GBF1: variants seen among roughly 807,000 people sequenced by gnomAD.
The protein encoded by GBF1 is Golgi-specific brefeldin A-resistance guanine nucleotide exchange factor 1.
A neutral mutation model predicts 210.5 loss-of-function variants in GBF1; 114 were observed. The observed-to-expected ratio is 0.54, with a 90% confidence interval of 0.47 to 0.63. The LOEUF is 0.63. GBF1 is among the 30% of genes least tolerant of loss of function. The pLI is 0.00. For missense variants in GBF1, 1,851 were observed against 2,357.7 expected (o/e 0.79, Z 4.45); for synonymous variants, 850 against 889.2 (o/e 0.96, Z 0.78).
chr10:102,309,721 C>T (rs1006412855), intron 3 of GBF1, among the ~76,000 whole-genome samples: 6 of 151,710 alleles, frequency 4.0e-5, no homozygotes, highest in Non-Finnish European at 8.8e-5. Flanking sequence ...TTTTGTGTGT[C>T]CTTGTTTATG....
intron 3 of GBF1, among the ~76,000 whole-genome samples, chr10:102,340,161 G>A (rs2058073258): frequency 6.6e-6 from 1 of 151,270 alleles, no homozygotes; most frequent in South Asian, 2.1e-4. Flanking sequence ...CACCATGTTT[G>A]CCAGGCTGGT....
At chr10:102,343,341 C>G (rs916635867) in intron 3 of GBF1, among the ~76,000 whole-genome samples, 1 of 152,116 alleles carries the variant, frequency 6.6e-6, no homozygotes, top group African/African-American at 2.4e-5. Context: ...ACCTAAGGGT[C>G]GCATTGGCTC....
rs1270090513 is a variant in GBF1, at chr10:102,270,912, G to A, written c.163+10796G>A. ...GTCTCACTGTGTCACTTAGGGTGGA[G>A]TGCAGTGGTACGATCATAGCTCCCA... is the stretch of plus-strand genomic sequence containing the variant. On this transcript the variant is annotated intron_variant, in intron 3 of 39. Transcript: ENST00000369983. 3.9e-5 allele frequency among the ~76,000 whole-genome samples: 6 copies of A among 152,218 alleles called. No homozygotes were observed. In the East Asian group the frequency reaches 5.8e-4, roughly 15 times the overall value.
chr10:102,381,823 GAAAAAA>G (rs386372282), intron 39 of GBF1, among the ~76,000 whole-genome samples: 27 of 19,112 alleles, frequency 1.4e-3, no homozygotes, highest in African/African-American at 3.6e-3. Context: ...ACCCTGTCGC[GAAAAAA>G]AAAAAAAAAA....
intron 3 of GBF1, among the ~76,000 whole-genome samples, chr10:102,283,406 C>CAA (rs763099891): frequency 6.6e-6 from 1 of 152,052 alleles, no homozygotes; most frequent in Non-Finnish European, 1.5e-5. Flanking sequence ...TAGCAATGAG[C>CAA]AAAACAATGA....
chr10:102,329,495 GCT>G (rs2057162325), intron 3 of GBF1, among the ~76,000 whole-genome samples: 1 of 152,106 alleles, frequency 6.6e-6, no homozygotes, highest in South Asian at 2.1e-4. Flanking sequence ...ACGGAGTCTT[GCT>G]CTGTCTCCCA....
chr10:102,345,692 A>G (rs2058514488), intron 4 of GBF1, among the ~76,000 whole-genome samples: 1 of 151,312 alleles, frequency 6.6e-6, no homozygotes. Flanking sequence ...ATTAACTTAA[A>G]TGTACATGAT....
chr10:102,283,293 G>A (rs2075665468), intron 3 of GBF1, among the ~76,000 whole-genome samples: 1 of 152,166 alleles, frequency 6.6e-6, no homozygotes, highest in Non-Finnish European at 1.5e-5. Flanking sequence ...GCTGTGTTTG[G>A]ACCCTCTGGT....
At chr10:102,344,555 A>T (rs1003686363) in intron 4 of GBF1, among the ~76,000 whole-genome samples, 10 of 151,286 alleles carry the variant, frequency 6.6e-5, no homozygotes, top group Non-Finnish European at 1.3e-4. Flanking sequence ...ATCTCGGCTC[A>T]CTGCAAGCTC....
intron 33 of GBF1, 86 bp downstream of exon 33, chr10:102,377,226 G>T: frequency 9.3e-7 from 1 of 1,079,824 alleles, no homozygotes; most frequent in African/African-American, 1.5e-5. Context: ...GGGCTGAGGG[G>T]AAGGGCCCAT....
intron 1 of GBF1, among the ~76,000 whole-genome samples, chr10:102,252,230 T>C (rs1349611542): frequency 6.6e-6 from 1 of 150,588 alleles, no homozygotes; most frequent in African/African-American, 2.5e-5. Flanking sequence ...TCCCAGCTGC[T>C]GGGAGGTTGA....
intron 3 of GBF1, among the ~76,000 whole-genome samples, chr10:102,333,855 G>A (rs946648372): frequency 2.0e-5 from 3 of 152,010 alleles, no homozygotes. Flanking sequence ...ATATTCCTGG[G>A]GTGTACAGCA....
intron 18 of GBF1, among the ~76,000 whole-genome samples, chr10:102,365,971 C>T (rs893753116): frequency 6.6e-6 from 1 of 151,680 alleles, no homozygotes; most frequent in African/African-American, 2.4e-5. Flanking sequence ...AAAGGTGGGA[C>T]ATGGTTAGTG....
At chr10:102,299,572 C>T (rs1294966798) in intron 3 of GBF1, among the ~76,000 whole-genome samples, 1 of 152,186 alleles carries the variant, frequency 6.6e-6, no homozygotes, top group African/African-American at 2.4e-5. Context: ...TACCTGAGTT[C>T]AGGAGTTCGA....
chr10:102,363,485 C>A lies in GBF1; in HGVS notation c.2017+89C>A. ...AGGGAGCAGACACCTAGGATAGTAA[C>A]TAAGCAAGCCTTGGTAGCCCGCCTC... On this transcript the variant is annotated intron_variant, in intron 16 of 39. Transcript: ENST00000369983. The surrounding 1 kb of genome is among the most constrained non-coding windows in gnomAD (Gnocchi z 4.2). 1.6e-6 allele frequency: 2 copies of A among 1,270,034 alleles called. No individual in the cohort carries two copies. Among genetic ancestry groups the A allele is most frequent in the Non-Finnish European group, 2.2e-6 (2 of 901,498 alleles). The allele number at this position is 1,270,034 out of a possible 1,614,324, so 78.7% of individuals were successfully genotyped here.
chr10:102,361,502 T>C (rs2059600295), intron 13 of GBF1, among the ~76,000 whole-genome samples: 1 of 152,204 alleles, frequency 6.6e-6, no homozygotes, highest in South Asian at 2.1e-4. Flanking sequence ...GCAACTTGTC[T>C]GGGACCAGGT....
chr10:102,314,880 A>G (rs1565098610), intron 3 of GBF1, among the ~76,000 whole-genome samples: 1 of 152,182 alleles, frequency 6.6e-6, no homozygotes, highest in Non-Finnish European at 1.5e-5. Flanking sequence ...ACATTTGTGA[A>G]ACCTCTCATT....
intron 3 of GBF1, among the ~76,000 whole-genome samples, chr10:102,332,220 A>C (rs2057386854): frequency 6.6e-6 from 1 of 152,094 alleles, no homozygotes; most frequent in South Asian, 2.1e-4. Context: ...TATAAATACT[A>C]TGTAAATAGT....
At chr10:102,269,220 T>C (rs1242564132) in intron 3 of GBF1, among the ~76,000 whole-genome samples, 3 of 152,232 alleles carry the variant, frequency 2.0e-5, no homozygotes, top group Non-Finnish European at 4.4e-5. Flanking sequence ...CCTTTCCTTG[T>C]TCCACGCTTA....
Sources: allele counts gnomAD v4.1 joint callset (sites outside exome capture counted in the v4.1 genomes callset), GRCh38; gene constraint gnomAD v4.1.1; non-coding constraint Gnocchi (gnomAD v3.1); transcripts MANE v1.5; gene names NCBI Gene and HGNC (gene_info 2026-07-23, HGNC 2026-07-21).